The following SPIRE1 variants were observed in gnomAD, a reference collection of about 807,000 sequenced individuals.
SPIRE1 encodes the protein spire type actin nucleation factor 1.
A neutral mutation model predicts 94.1 loss-of-function variants in SPIRE1; 40 were observed. The ratio of observed to expected loss-of-function variants is 0.43; its 90% CI spans 0.33 to 0.55. SPIRE1 has a LOEUF of 0.55. SPIRE1 is among the 20% of genes least tolerant of loss of function. The pLI, the probability that SPIRE1 is intolerant of heterozygous loss-of-function variation, is 0.06. For missense variants in SPIRE1, 838 were observed against 975.2 expected, an observed-to-expected ratio of 0.86 and a Z score of 1.87; for synonymous variants, 376 against 371.7, an observed-to-expected ratio of 1.01 and a Z score of -0.13.
At chr18:12,591,968 C>CAAAAAAAAA (rs35668057) in intron 2 of SPIRE1, among the ~76,000 whole-genome samples, 5 of 67,440 alleles carry the variant, frequency 7.4e-5, no homozygotes, top group African/African-American at 1.1e-4. Flanking sequence ...GACTCCATCT[C>CAAAAAAAAA]AAAAAAAAAA....
At chr18:12,597,872 C>T (rs892453396) in intron 2 of SPIRE1, among the ~76,000 whole-genome samples, 8 of 152,114 alleles carry the variant, frequency 5.3e-5, no homozygotes, top group African/African-American at 1.9e-4. Context: ...GGTGTGTAGG[C>T]CCTGGACTGC....
chr18:12,658,071 C>G lies in SPIRE1; in HGVS notation c.-205G>C. ...GCGAGGACACGGCTGCAGTCCCGGT[C>G]AGACAGCCGCCGGCCGGTAGCGACG... On this transcript the variant is annotated 5_prime_UTR_variant, in exon 1 of 17. Transcript: ENST00000409402. 1.0e-6 allele frequency: 1 copy of G among 992,490 alleles called. No individual in the cohort carries two copies. Among genetic ancestry groups the G allele is most frequent in the South Asian group, 4.6e-5 (1 of 21,868 alleles). The allele number at this position is 992,490 out of a possible 1,614,324, so 61.5% of individuals were successfully genotyped here. A position where few individuals can be genotyped will look rare whatever the true frequency, so the allele number is the denominator to read the frequency against.
At chr18:12,454,903 T>C (rs1298529191) in intron 12 of SPIRE1, among the ~76,000 whole-genome samples, 1 of 152,062 alleles carries the variant, frequency 6.6e-6, no homozygotes, top group Non-Finnish European at 1.5e-5. Context: ...TTGTACATTA[T>C]ATACCAATAG....
rs58628339 is a variant in SPIRE1, at chr18:12,600,102, C to CAAAAA, written c.372+34955_372+34959dup. The stretch of plus-strand genomic sequence containing the variant: ...AGGGCATTCTCCAGCCAATGGCCAG[C>CAAAAA]AAAAAAAAAAAAAAAAAATGAAGCC... On this transcript the variant is annotated intron_variant, in intron 2 of 16. Coordinates refer to ENST00000409402, the MANE Select transcript of SPIRE1 (RefSeq NM_001128626.2). 5.3e-3 allele frequency among the ~76,000 whole-genome samples: 630 copies of CAAAAA among 118,302 alleles called. 13 individuals carry two copies. The highest frequency in any genetic ancestry group is 0.019 in the South Asian group (65 of 3,410). 77.6% of individuals were successfully genotyped at this position (118,302 alleles called of 152,430 possible). A position where few individuals can be genotyped will look rare whatever the true frequency, so the allele number is the denominator to read the frequency against.
chr18:12,536,333 A>G (rs911650089), intron 3 of SPIRE1, among the ~76,000 whole-genome samples: 1 of 152,198 alleles, frequency 6.6e-6, no homozygotes, highest in Non-Finnish European at 1.5e-5. Context: ...TCTTCAATGT[A>G]CTGCTGAATT....
intron 4 of SPIRE1, among the ~76,000 whole-genome samples, chr18:12,526,853 G>A (rs956699764): frequency 6.6e-6 from 1 of 151,982 alleles, no homozygotes; most frequent in Admixed American, 6.6e-5. Context: ...GGGATTACAA[G>A]CACATGCCAC....
chr18:12,493,293 C>CATA, intron 7 of SPIRE1, 92 bp from the exon 8 acceptor site: 2 of 1,174,404 alleles, frequency 1.7e-6, no homozygotes, highest in Non-Finnish European at 2.4e-6. Context: ...AATTACATTT[C>CATA]ATTGACTGGA....
At chr18:12,508,299 A>C (rs2033907305) in intron 5 of SPIRE1, among the ~76,000 whole-genome samples, 3 of 152,216 alleles carry the variant, frequency 2.0e-5, no homozygotes, top group African/African-American at 7.2e-5. Flanking sequence ...TAATTTTAAA[A>C]AAATGTTGGG....
chr18:12,509,864 CCA>C (rs1377284576), intron 5 of SPIRE1, among the ~76,000 whole-genome samples: 4 of 152,182 alleles, frequency 2.6e-5, no homozygotes, highest in South Asian at 4.2e-4. Context: ...GGGCGGATCA[CCA>C]GGTAGGTCAG....
chr18:12,520,655 C>T (rs1193946246), intron 4 of SPIRE1, among the ~76,000 whole-genome samples: 1 of 152,152 alleles, frequency 6.6e-6, no homozygotes, highest in Non-Finnish European at 1.5e-5. Flanking sequence ...ACATGGCACA[C>T]TTACAAAAAG....
intron 4 of SPIRE1, among the ~76,000 whole-genome samples, chr18:12,524,501 C>G (rs1014403814): frequency 6.6e-6 from 1 of 152,210 alleles, no homozygotes; most frequent in Non-Finnish European, 1.5e-5. Context: ...TTTCTTTTCT[C>G]TAGGAAAACT....
intron 3 of SPIRE1, among the ~76,000 whole-genome samples, chr18:12,537,533 A>G (rs1401415652): frequency 6.6e-6 from 1 of 152,224 alleles, no homozygotes; most frequent in Non-Finnish European, 1.5e-5. Context: ...CTGGTTGTAA[A>G]CTGCAACTTT....
chr18:12,546,611 A>T lies in SPIRE1; in HGVS notation c.603+63T>A. Reference sequence around the variant, plus strand: ...GTGAGACCATCTCTCCAGGGGGGGAAAAAAAAGAAGAAGAAATAACAACTC... The same window carrying T: ...GTGAGACCATCTCTCCAGGGGGGGATAAAAAAGAAGAAGAAATAACAACTC... On this transcript the variant is annotated intron_variant, in intron 3 of 16. Transcript: ENST00000409402. 4.1e-6 allele frequency: 5 copies of T among 1,211,894 alleles called. No individual in the cohort carries two copies. The South Asian group carries it at 5.1e-5, about 12-fold the overall frequency. The allele number at this position is 1,211,894 out of a possible 1,614,324, so 75.1% of individuals were successfully genotyped here.
chr18:12,607,897 C>T (rs183227831), intron 2 of SPIRE1, among the ~76,000 whole-genome samples: 157 of 152,258 alleles, frequency 1.0e-3, no homozygotes, highest in Non-Finnish European at 1.7e-3. Flanking sequence ...TGGCTCATGC[C>T]TGTAATCCCA....
intron 2 of SPIRE1, among the ~76,000 whole-genome samples, chr18:12,624,400 A>G (rs2037561919): frequency 6.6e-6 from 1 of 151,356 alleles, no homozygotes; most frequent in Non-Finnish European, 1.5e-5. Flanking sequence ...AAAATTAGCC[A>G]GGCGTGGTGG....
At chr18:12,486,085 T>C (rs879721508) in intron 8 of SPIRE1, 85 bp from the exon 9 acceptor site, 99 of 1,021,230 alleles carry the variant, frequency 9.7e-5, no homozygotes, top group Admixed American at 9.7e-4. Flanking sequence ...AACGGATTAA[T>C]GAAGACCCTT....
chr18:12,637,469 G>A (rs2037966600), intron 1 of SPIRE1, among the ~76,000 whole-genome samples: 1 of 152,008 alleles, frequency 6.6e-6, no homozygotes, highest in South Asian at 2.1e-4. Flanking sequence ...GTTTCTTGTT[G>A]GTAGTATAAA....
chr18:12,652,144 G>A (rs1301005073), intron 1 of SPIRE1, among the ~76,000 whole-genome samples: 1 of 152,108 alleles, frequency 6.6e-6, no homozygotes, highest in Non-Finnish European at 1.5e-5. Context: ...AATTCTTTGT[G>A]GCATGCCAGA....
intron 1 of SPIRE1, among the ~76,000 whole-genome samples, chr18:12,646,817 T>C (rs1386619684): frequency 6.6e-6 from 1 of 152,000 alleles, no homozygotes; most frequent in Admixed American, 6.6e-5. Flanking sequence ...GACGGAGGCG[T>C]GTGGATCACT....
Sources: gnomAD v4.1 joint callset for allele counts (sites outside exome capture counted in the v4.1 genomes callset) on GRCh38, gnomAD v4.1.1 for gene constraint, MANE v1.5 for transcripts, NCBI Gene and HGNC (gene_info 2026-07-23, HGNC 2026-07-21) for gene names.